NUP155: variants seen among roughly 807,000 people sequenced by gnomAD.
NUP155 encodes the protein nuclear pore complex protein Nup155.
Under a neutral mutation model 180.4 loss-of-function variants are expected in NUP155, and 71 were observed. The observed-to-expected ratio is 0.39, with a 90% CI of 0.33 to 0.48. The LOEUF is 0.48. Ranked by LOEUF, NUP155 falls within the 20% of genes least tolerant of loss-of-function variation. The pLI is 0.91. For synonymous variants in NUP155, 582 were observed against 559.5 expected (o/e 1.04, Z -0.57); for missense variants, 1,553 against 1,648.9 (o/e 0.94, Z 1.01).
intron 4 of NUP155, among the ~76,000 whole-genome samples, chr5:37,355,126 G>A (rs1006110384): frequency 1.3e-5 from 2 of 151,840 alleles, no homozygotes; most frequent in African/African-American, 4.8e-5. Flanking sequence ...ACTTAACTGA[G>A]TATCTATAAT....
intron 19 of NUP155, among the ~76,000 whole-genome samples, chr5:37,325,323 G>A (rs952641855): frequency 2.0e-5 from 3 of 152,130 alleles, no homozygotes; most frequent in African/African-American, 7.2e-5. Context: ...ACCTTATGAG[G>A]GAGATATACT....
At chr5:37,332,882 G>C (rs893267828) in intron 13 of NUP155, among the ~76,000 whole-genome samples, 2 of 151,988 alleles carry the variant, frequency 1.3e-5, no homozygotes, top group Admixed American at 1.3e-4. Flanking sequence ...CCTTGAGCCT[G>C]GGAGGCAGAG....
At chr5:37,303,993 A>G (rs1743007083) in intron 27 of NUP155, among the ~76,000 whole-genome samples, 1 of 151,724 alleles carries the variant, frequency 6.6e-6, no homozygotes, top group African/African-American at 2.4e-5. Flanking sequence ...CATGCCTGTA[A>G]TCCCAGCACT....
chr5:37,321,030 AT>A (rs1301484041), intron 20 of NUP155, among the ~76,000 whole-genome samples: 2 of 152,172 alleles, frequency 1.3e-5, no homozygotes, highest in African/African-American at 4.8e-5. Flanking sequence ...AAAAGCACAA[AT>A]TCAGGATGGG....
intron 1 of NUP155, among the ~76,000 whole-genome samples, chr5:37,369,981 C>T (rs910124039): frequency 1.3e-5 from 2 of 152,216 alleles, no homozygotes; most frequent in Admixed American, 1.3e-4. Context: ...TCTCCCTGTA[C>T]ATAAGCACTG....
rs775628862 is a variant in NUP155 at position 37,333,572 on chromosome 5, T to C, written c.1409A>G (p.Asp470Gly). The change falls in exon 13 of 35, where the codon GAT becomes GGT. Residue 470 changes from aspartate (D) to glycine (G), a missense_variant. Asp to Gly is a moderately conservative substitution (Grantham distance 94). Transcript: ENST00000231498. ...ALSAIDELKV[D>G]KIITPLNKDH... is the part of the protein sequence containing the mutation. ...CTTGTTTAAAGGTGTAATTATTTTATCTACTTTCAATTCATCTATCGCAGA... is the reference window on the plus strand; with the variant it reads ...CTTGTTTAAAGGTGTAATTATTTTACCTACTTTCAATTCATCTATCGCAGA... 15 of 1,613,676 alleles carry C rather than the reference T, an allele frequency of 9.3e-6. No homozygotes were observed. The highest frequency in any genetic ancestry group is 3.3e-5 in the Admixed American group (2 of 59,996).
intron 3 of NUP155, among the ~76,000 whole-genome samples, chr5:37,358,955 G>T (rs1268948366): frequency 1.3e-5 from 2 of 151,442 alleles, no homozygotes; most frequent in African/African-American, 4.9e-5. Flanking sequence ...AGGCAGAGTT[G>T]CAGTGAGCCG....
At chr5:37,326,243 G>A (rs189649342) in intron 18 of NUP155, among the ~76,000 whole-genome samples, 3 of 152,226 alleles carry the variant, frequency 2.0e-5, no homozygotes, top group South Asian at 2.1e-4. Context: ...GCTCTGTACT[G>A]TTTCATACTT....
intron 19 of NUP155, among the ~76,000 whole-genome samples, chr5:37,324,845 T>C (rs1309361888): frequency 6.6e-6 from 1 of 152,120 alleles, no homozygotes; most frequent in Non-Finnish European, 1.5e-5. Flanking sequence ...TCATGAACTT[T>C]AAGAGCCTCA....
intron 31 of NUP155, 81 bp downstream of exon 31, chr5:37,299,367 T>TTA: frequency 6.5e-7 from 1 of 1,533,008 alleles, no homozygotes; most frequent in Non-Finnish European, 9.0e-7. Context: ...CAGCTTGCAT[T>TTA]ATATTAGTTA....
chr5:37,301,907 G>A (rs1742881635), intron 29 of NUP155, among the ~76,000 whole-genome samples: 1 of 152,180 alleles, frequency 6.6e-6, no homozygotes, highest in Non-Finnish European at 1.5e-5. Context: ...TAGTTTTTAA[G>A]ACAGTGAATG....
Position 37,370,979 on chromosome 5 carries a change from T to C in NUP155, c.-2A>G, listed in dbSNP as rs201875454. On this transcript the variant is annotated 5_prime_UTR_variant, in exon 1 of 35. Coordinates refer to ENST00000231498, the MANE Select transcript of NUP155 (RefSeq NM_153485.3). ...CGCGCCCAACAAAGAAGACGGCATCTCGGAAATCGTAGACACCAGGGTCCA... is the reference window on the plus strand; with the variant it reads ...CGCGCCCAACAAAGAAGACGGCATCCCGGAAATCGTAGACACCAGGGTCCA... 3.1e-6 allele frequency: 5 copies of C among 1,613,636 alleles called. No homozygotes were observed. In the East Asian group the frequency reaches 1.1e-4, roughly 36 times the overall value.
rs192489784 is a variant in NUP155, at chr5:37,302,715, G to C, written c.3447+64C>G. 275 of 1,541,484 alleles carry C rather than the reference G, an allele frequency of 1.8e-4. No homozygotes were observed. The African/African-American group carries it at 3.5e-3, about 20-fold the overall frequency. ...CCTATTACTTACCAAGGGAAGAATG[G>C]AATGTGGAATAACTATGTGGCTAGT... On this transcript the variant is annotated intron_variant, in intron 29 of 34. Coordinates refer to ENST00000231498, the MANE Select transcript of NUP155 (RefSeq NM_153485.3).
chr5:37,303,869 G>A (rs951348127), intron 27 of NUP155, among the ~76,000 whole-genome samples: 1 of 152,026 alleles, frequency 6.6e-6, no homozygotes, highest in African/African-American at 2.4e-5. Context: ...TGAGCCTAGG[G>A]AGGTCAAGGC....
chr5:37,355,977 CCAAA>C (rs1746797375), intron 4 of NUP155, among the ~76,000 whole-genome samples: 1 of 151,538 alleles, frequency 6.6e-6, no homozygotes, highest in African/African-American at 2.4e-5. Context: ...GTCTGTAATC[CCAAA>C]CACTTTGGGA....
At chr5:37,306,167 G>A (rs1743142003) in intron 25 of NUP155, among the ~76,000 whole-genome samples, 1 of 152,066 alleles carries the variant, frequency 6.6e-6, no homozygotes, top group Non-Finnish European at 1.5e-5. Context: ...GAGAAGAAAG[G>A]ATTGCTTGAG....
At chr5:37,364,581 A>T (rs949383745) in intron 1 of NUP155, among the ~76,000 whole-genome samples, 197 bp from the exon 2 acceptor site, 3 of 151,972 alleles carry the variant, frequency 2.0e-5, no homozygotes, top group Non-Finnish European at 2.9e-5. Flanking sequence ...TCAGGCCTAA[A>T]GGGAAAGTCA....
chr5:37,292,523 T>G (rs1485696294), intron 34 of NUP155, among the ~76,000 whole-genome samples: 2 of 152,128 alleles, frequency 1.3e-5, no homozygotes, highest in African/African-American at 4.8e-5. Flanking sequence ...CCTGAAGATT[T>G]TTACAATGAG....
intron 34 of NUP155, 47 bp downstream of exon 34, chr5:37,292,832 G>C: frequency 8.3e-7 from 1 of 1,205,800 alleles, no homozygotes; most frequent in Non-Finnish European, 1.2e-6. Context: ...GTATTTATTA[G>C]AAGCATTTAA....
Sources: allele counts gnomAD v4.1 joint callset (sites outside exome capture counted in the v4.1 genomes callset), GRCh38; gene constraint gnomAD v4.1.1; transcripts MANE v1.5; gene names NCBI Gene and HGNC (gene_info 2026-07-23, HGNC 2026-07-21).